The following PCSK5 variants were observed in gnomAD, a reference collection of about 807,000 sequenced individuals.
The protein encoded by PCSK5 is proprotein convertase subtilisin/kexin type 5.
Under a neutral mutation model 233.2 loss-of-function variants are expected in PCSK5, and 129 were observed. That is an observed-to-expected ratio of 0.55 (90% CI 0.48 to 0.64). The LOEUF (loss-of-function observed/expected upper bound fraction) is 0.64. Ranked by LOEUF, PCSK5 falls within the 30% of genes least tolerant of loss-of-function variation. The probability of loss-of-function intolerance (pLI) is 0.00; values close to 1 mark genes in which losing one functional copy is unlikely to be tolerated. For missense variants in PCSK5, 2,076 were observed against 2,430.1 expected, an observed-to-expected ratio of 0.85 and a Z score of 3.06; for synonymous variants, 825 against 879.2, an observed-to-expected ratio of 0.94 and a Z score of 1.09.
chr9:76,342,824 C>G (rs1372148817), intron 35 of PCSK5, among the ~76,000 whole-genome samples: 1 of 152,160 alleles, frequency 6.6e-6, no homozygotes, highest in Admixed American at 6.5e-5. Context: ...ACCATTCACC[C>G]AGTTGCCTGA....
At chr9:76,054,396 G>A (rs1829747878) in intron 5 of PCSK5, among the ~76,000 whole-genome samples, 1 of 152,146 alleles carries the variant, frequency 6.6e-6, no homozygotes, top group South Asian at 2.1e-4. Flanking sequence ...ATAATTTTTT[G>A]TGTTGTTTCA....
At chr9:76,021,616 C>T in intron 3 of PCSK5, among the ~76,000 whole-genome samples, 1 of 152,078 alleles carries the variant, frequency 6.6e-6, no homozygotes, top group Non-Finnish European at 1.5e-5. Flanking sequence ...TCTAGGAAAT[C>T]AATGTTGTCT....
intron 2 of PCSK5, among the ~76,000 whole-genome samples, chr9:75,955,937 A>G (rs1385697684): frequency 6.6e-6 from 1 of 152,192 alleles, no homozygotes; most frequent in Non-Finnish European, 1.5e-5. Flanking sequence ...AGAGGTTGGC[A>G]CTGTTAGTAG....
At chr9:76,261,858 A>G (rs993081706) in intron 24 of PCSK5, among the ~76,000 whole-genome samples, 9 of 152,192 alleles carry the variant, frequency 5.9e-5, no homozygotes, top group African/African-American at 2.2e-4. Flanking sequence ...CAGATTTTGT[A>G]TCCTGAGACT....
At position 75,890,974 on chromosome 9, in the gene PCSK5, G is replaced by A. The variant is rs995918267; in HGVS notation, c.-208G>A. On this transcript the variant is annotated 5_prime_UTR_variant, in exon 1 of 38. Coordinates refer to ENST00000674117, the MANE Select transcript of PCSK5 (RefSeq NM_001372043.1). ...CGGAGAGCTGGGAGCACAGGTCCCGGCAGCCCCAGGGATGGTCTAGGAGCC... is the reference window on the plus strand; with the variant it reads ...CGGAGAGCTGGGAGCACAGGTCCCGACAGCCCCAGGGATGGTCTAGGAGCC... The A allele has an allele frequency of 4.8e-6, 2 of 414,208 alleles. No individual in the cohort carries two copies. The highest frequency in any genetic ancestry group is 1.8e-4 in the South Asian group (2 of 11,184). 25.7% of individuals were successfully genotyped at this position (414,208 alleles called of 1,614,324 possible). A position where few individuals can be genotyped will look rare whatever the true frequency, so the allele number is the denominator to read the frequency against.
intron 24 of PCSK5, among the ~76,000 whole-genome samples, chr9:76,253,488 A>T (rs1826883016): frequency 6.6e-6 from 1 of 152,334 alleles, no homozygotes; most frequent in East Asian, 1.9e-4. Flanking sequence ...ACCTTTAAAA[A>T]AGAGAACACA....
At position 76,358,742 on chromosome 9, in the gene PCSK5, CT is replaced by C. The variant is rs768748963; in HGVS notation, c.5487del (p.Phe1829LeufsTer6). On this transcript the variant is annotated frameshift_variant, in exon 38 of 38. Transcript: ENST00000674117. LOFTEE classifies it high-confidence loss of function. ...AGAGCAGCTATAGAGAGAGCACCAG[CT>C]TTGAAGAGGATCAGGTGATTGAGTA... ...YKSSYRESTS[F>X]EEDQVIEYRD... is the part of the protein sequence containing the mutation. 2.5e-6 allele frequency: 4 copies of C among 1,612,866 alleles called. No homozygotes were observed. The highest frequency in any genetic ancestry group is 3.4e-6 in the Non-Finnish European group (4 of 1,179,868).
intron 5 of PCSK5, among the ~76,000 whole-genome samples, chr9:76,040,798 G>A (rs1829086047): frequency 6.6e-6 from 1 of 152,122 alleles, no homozygotes; most frequent in African/African-American, 2.4e-5. Flanking sequence ...TGAGAATTTA[G>A]TGTTTATTTT....
At chr9:75,950,167 C>CTGCT (rs1354210208) in intron 2 of PCSK5, among the ~76,000 whole-genome samples, 6 of 146,684 alleles carry the variant, frequency 4.1e-5, no homozygotes, top group Non-Finnish European at 8.9e-5. Context: ...GAGGGGGGAA[C>CTGCT]TGCTACAGCT....
chr9:76,046,559 C>CT (rs553542037), intron 5 of PCSK5, among the ~76,000 whole-genome samples: 14,878 of 104,866 alleles, frequency 0.14, 1,639 homozygotes, highest in Non-Finnish European at 0.19. Flanking sequence ...CTTTCTTTTT[C>CT]TTTTTTTTTT....
At chr9:76,120,433 G>C (rs1433974312) in intron 9 of PCSK5, among the ~76,000 whole-genome samples, 1 of 151,942 alleles carries the variant, frequency 6.6e-6, no homozygotes, top group Non-Finnish European at 1.5e-5. Context: ...TTCTTTACAA[G>C]TTTTCCCAAT....
chr9:76,022,438 G>A (rs926636552), intron 3 of PCSK5, among the ~76,000 whole-genome samples: 3 of 152,166 alleles, frequency 2.0e-5, no homozygotes, highest in African/African-American at 7.2e-5. Flanking sequence ...CCGATATGCT[G>A]AACTATTTGT....
chr9:76,339,606 G>A (rs533265303), intron 35 of PCSK5, among the ~76,000 whole-genome samples: 3 of 152,166 alleles, frequency 2.0e-5, no homozygotes, highest in Non-Finnish European at 2.9e-5. Context: ...GTGCAGTGGC[G>A]CGATCTTGGC....
At position 76,339,727 on chromosome 9, in the gene PCSK5, T is replaced by A. The variant is rs1187340329; in HGVS notation, c.4966+1280T>A. Among the ~76,000 whole-genome samples, 15 of 152,190 alleles carry A rather than the reference T, an allele frequency of 9.9e-5. No individual in the cohort carries two copies. In the East Asian group the frequency reaches 2.9e-3, roughly 30 times the overall value. On this transcript the variant is annotated intron_variant, in intron 35 of 37. Transcript: ENST00000674117. Reference sequence around the variant, plus strand: ...GCCTGGCTAATTTTTGTATTTTTAGTAGAGGCAGGGTTTCACCATATTGAT... The same window carrying A: ...GCCTGGCTAATTTTTGTATTTTTAGAAGAGGCAGGGTTTCACCATATTGAT...
At chr9:76,029,701 T>C (rs776208381) in intron 5 of PCSK5, among the ~76,000 whole-genome samples, 8 of 152,184 alleles carry the variant, frequency 5.3e-5, no homozygotes, top group Admixed American at 6.5e-5. Context: ...TTCTCTCCTC[T>C]TGAGCTCCCA....
At chr9:76,174,494 T>C (rs1315047604) in intron 13 of PCSK5, among the ~76,000 whole-genome samples, 3 of 151,902 alleles carry the variant, frequency 2.0e-5, no homozygotes, top group Admixed American at 2.0e-4. Flanking sequence ...GTATTTTTAG[T>C]AGAGACGGAG....
At chr9:76,179,961 A>C (rs1275267969) in intron 15 of PCSK5, among the ~76,000 whole-genome samples, 2 of 150,926 alleles carry the variant, frequency 1.3e-5, no homozygotes, top group Non-Finnish European at 2.9e-5. Flanking sequence ...CGTTTGGAGG[A>C]CGGTGGAGGA....
rs372726224 is a variant in PCSK5, at chr9:76,227,391, T to C, written c.2627-112T>C. The C allele has an allele frequency of 1.3e-4, 91 of 714,704 alleles. No individual in the cohort carries two copies. In the East Asian group the frequency reaches 1.3e-3, roughly 11 times the overall value. The allele number at this position is 714,704 out of a possible 1,614,324, so 44.3% of individuals were successfully genotyped here. On this transcript the variant is annotated intron_variant, in intron 20 of 37. Transcript: ENST00000674117. ...AGCCATTCAGGGCCTCTCCTCTCTG[T>C]GTTGTCTGCATTGCTTTCAGGCAGC... is the stretch of plus-strand genomic sequence containing the variant.
intron 20 of PCSK5, among the ~76,000 whole-genome samples, chr9:76,204,200 A>G (rs1412765122): frequency 6.6e-6 from 1 of 152,006 alleles, no homozygotes; most frequent in Non-Finnish European, 1.5e-5. Flanking sequence ...TCTTCCCTCT[A>G]TCCCCACCAT....
Sources: gnomAD v4.1 joint callset for allele counts (sites outside exome capture counted in the v4.1 genomes callset) on GRCh38, gnomAD v4.1.1 for gene constraint, MANE v1.5 for transcripts, NCBI Gene and HGNC (gene_info 2026-07-23, HGNC 2026-07-21) for gene names.